The following NIN variants were observed in gnomAD, a reference collection of about 807,000 sequenced individuals.
NIN encodes the protein ninein, also known as glycogen synthase kinase 3 beta-interacting protein.
In NIN, 137 loss-of-function variants were observed where a neutral mutation model predicts 257.6. The observed-to-expected ratio is 0.53, with a 90% CI of 0.46 to 0.61. The LOEUF (loss-of-function observed/expected upper bound fraction) is 0.61. Among genes scored for constraint, NIN ranks in the 20% least tolerant of loss-of-function variants. The pLI, the probability that NIN is intolerant of heterozygous loss-of-function variation, is 0.00. For missense variants in NIN, 2,439 were observed against 2,501.2 expected, an observed-to-expected ratio of 0.98 and a Z score of 0.53; for synonymous variants, 918 against 919.8, an observed-to-expected ratio of 1.00 and a Z score of 0.04.
chr14:50,741,586 C>T lies in NIN; in HGVS notation c.5444G>A (p.Gly1815Asp), dbSNP rs375540549. The T allele has an allele frequency of 8.1e-6, 13 of 1,612,850 alleles. No homozygotes were observed. Among genetic ancestry groups the T allele is most frequent in the African/African-American group, 1.3e-5 (1 of 74,850 alleles). ...AATAAAAAAAGAACAAATCACCTTGCCACCAGCATTCTGAAGTTGCTTATG... is the reference window on the plus strand; with the variant it reads ...AATAAAAAAAGAACAAATCACCTTGTCACCAGCATTCTGAAGTTGCTTATG... ...SLHKQLQNAG[G>D]KSWAPEIATH... The change falls in exon 25 of 31, where the codon GGC becomes GAC. Residue 1815 changes from glycine to aspartate, a missense_variant. Coordinates refer to ENST00000530997, the MANE Select transcript of NIN (RefSeq NM_020921.4).
chr14:50,804,057 G>A (rs2044215405), intron 4 of NIN, among the ~76,000 whole-genome samples: 1 of 151,978 alleles, frequency 6.6e-6, no homozygotes, highest in Non-Finnish European at 1.5e-5. Flanking sequence ...CACCACACCT[G>A]GCTAATTTTT....
At chr14:50,770,278 G>A in intron 12 of NIN, 110 bp downstream of exon 12, 3 of 1,123,566 alleles carry the variant, frequency 2.7e-6, no homozygotes, top group Non-Finnish European at 3.8e-6. Context: ...GGGCAAACTT[G>A]GAGGATTTTT....
intron 16 of NIN, 122 bp downstream of exon 16, chr14:50,761,668 G>GAT: frequency 9.3e-7 from 1 of 1,076,598 alleles, no homozygotes; most frequent in Non-Finnish European, 1.4e-6. Flanking sequence ...CCATCCTGAG[G>GAT]ATGTGGGTTC....
intron 5 of NIN, 186 bp downstream of exon 5, chr14:50,792,526 A>G (rs1410490671): frequency 1.6e-6 from 1 of 626,568 alleles, no homozygotes; most frequent in Non-Finnish European, 2.7e-6. Context: ...GAAACGAGGT[A>G]AAAACATTCA....
Position 50,758,648 on chromosome 14 carries a change from A to T in NIN, c.2400-18T>A, listed in dbSNP as rs765402675. On this transcript the variant is annotated intron_variant, in intron 17 of 30. Transcript: ENST00000530997. Reference sequence around the variant, plus strand: ...TTTTTTCCCTAAATATAGTCAACATACAGCATTATTGAAACTGCCGCCAAC... The same window carrying T: ...TTTTTTCCCTAAATATAGTCAACATTCAGCATTATTGAAACTGCCGCCAAC... 52 of 1,532,420 alleles carry T rather than the reference A, an allele frequency of 3.4e-5. No individual in the cohort carries two copies. The highest frequency in any genetic ancestry group is 4.5e-5 in the Non-Finnish European group (51 of 1,142,058). The allele number at this position is 1,532,420 out of a possible 1,614,324, so 94.9% of individuals were successfully genotyped here. A position where few individuals can be genotyped will look rare whatever the true frequency, so the allele number is the denominator to read the frequency against.
At chr14:50,763,992 T>C in intron 14 of NIN, 28 bp from the exon 15 acceptor site, 1 of 1,590,814 alleles carries the variant, frequency 6.3e-7, no homozygotes, top group Non-Finnish European at 8.6e-7. Context: ...ACACTGGTCT[T>C]AGATGTGACA....
chr14:50,777,878 T>G (rs892721045), intron 6 of NIN, among the ~76,000 whole-genome samples: 1 of 152,214 alleles, frequency 6.6e-6, no homozygotes, highest in African/African-American at 2.4e-5. Context: ...ATGAGATAAT[T>G]ACTGGCACAA....
At chr14:50,823,678 C>A (rs1231753486) in intron 2 of NIN, among the ~76,000 whole-genome samples, 10 of 152,154 alleles carry the variant, frequency 6.6e-5, no homozygotes. Context: ...TGGGGCCACT[C>A]ATTAAAGTAA....
chr14:50,748,139 A>G lies in NIN; in HGVS notation c.4951-34T>C, dbSNP rs192798434. On this transcript the variant is annotated intron_variant, in intron 21 of 30. Coordinates refer to ENST00000530997, the MANE Select transcript of NIN (RefSeq NM_020921.4). Reference sequence around the variant, plus strand: ...AAAATGAAAAAGTCAAATAACAGACATACATATTTAGGCTGGGGAAACTTA... The same window carrying G: ...AAAATGAAAAAGTCAAATAACAGACGTACATATTTAGGCTGGGGAAACTTA... 1.6e-3 allele frequency: 2,356 copies of G among 1,431,966 alleles called. 16 individuals are homozygous for G. Among genetic ancestry groups the G allele is most frequent in the Non-Finnish European group, 1.1e-3 (1,123 of 1,017,320 alleles). The allele number at this position is 1,431,966 out of a possible 1,614,324, so 88.7% of individuals were successfully genotyped here.
intron 29 of NIN, among the ~76,000 whole-genome samples, chr14:50,729,186 A>T (rs2040563288): frequency 6.6e-6 from 1 of 152,192 alleles, no homozygotes; most frequent in Non-Finnish European, 1.5e-5. Flanking sequence ...CAAAAGTAGC[A>T]CCGCAGTTCT....
At chr14:50,725,755 C>A in intron 30 of NIN, 198 bp downstream of exon 30, 2 of 908,804 alleles carry the variant, frequency 2.2e-6, no homozygotes, top group Non-Finnish European at 3.3e-6. Context: ...TTAAACAGAG[C>A]TTTGGAAAAA....
chr14:50,789,169 C>A (rs1446335021), intron 5 of NIN, among the ~76,000 whole-genome samples: 1 of 152,150 alleles, frequency 6.6e-6, no homozygotes, highest in African/African-American at 2.4e-5. Flanking sequence ...TGCCTGGTAG[C>A]CCCGAGATTA....
intron 16 of NIN, among the ~76,000 whole-genome samples, chr14:50,761,092 T>C (rs544380309): frequency 6.6e-6 from 1 of 152,080 alleles, no homozygotes; most frequent in East Asian, 1.9e-4. Flanking sequence ...AGTCTAGACA[T>C]GGATATGACA....
At chr14:50,783,852 G>T (rs186070043) in intron 5 of NIN, among the ~76,000 whole-genome samples, 112 of 152,198 alleles carry the variant, frequency 7.4e-4, no homozygotes, top group Non-Finnish European at 1.2e-3. Context: ...TTTAATTGCT[G>T]ATGACTTACC....
At chr14:50,803,506 A>G (rs1214968524) in intron 4 of NIN, among the ~76,000 whole-genome samples, 1 of 152,218 alleles carries the variant, frequency 6.6e-6, no homozygotes, top group Non-Finnish European at 1.5e-5. Flanking sequence ...GCCTCTGGCC[A>G]CTTGTCAGAC....
intron 5 of NIN, among the ~76,000 whole-genome samples, chr14:50,788,358 A>C (rs1441451846): frequency 1.3e-5 from 2 of 152,202 alleles, no homozygotes; most frequent in South Asian, 2.1e-4. Flanking sequence ...GACTTACATT[A>C]AATATAAATT....
Position 50,778,742 on chromosome 14 carries a change from G to C in NIN, c.475+23C>G, listed in dbSNP as rs373049327. On this transcript the variant is annotated intron_variant, in intron 6 of 30. Transcript: ENST00000530997. ...CCGGCGGCCCTTCCCTTCCAGGCACGTCCTGACACACTCGGCTCTTACCTT... is the reference window on the plus strand; with the variant it reads ...CCGGCGGCCCTTCCCTTCCAGGCACCTCCTGACACACTCGGCTCTTACCTT... 4 of 1,612,888 alleles carry C rather than the reference G, an allele frequency of 2.5e-6. No individual in the cohort carries two copies. In the African/African-American group the frequency reaches 5.3e-5, roughly 22 times the overall value.
chr14:50,741,936 ATGTC>A (rs952469804), intron 24 of NIN: 1 of 500,140 alleles, frequency 2.0e-6, no homozygotes, highest in African/African-American at 1.9e-5. Context: ...ATGATGAACT[ATGTC>A]TGGAGCAAGG....
At chr14:50,728,621 A>G (rs2040532704) in intron 29 of NIN, among the ~76,000 whole-genome samples, 1 of 152,232 alleles carries the variant, frequency 6.6e-6, no homozygotes, top group African/African-American at 2.4e-5. Flanking sequence ...TGAACACACA[A>G]GCGCATGCAA....
Sources: gnomAD v4.1 joint callset for allele counts (sites outside exome capture counted in the v4.1 genomes callset) on GRCh38, gnomAD v4.1.1 for gene constraint, MANE v1.5 for transcripts, NCBI Gene and HGNC (gene_info 2026-07-23, HGNC 2026-07-21) for gene names.